Variants in SUSD5 observed in about 807,000 individuals in gnomAD.
The protein encoded by SUSD5 is sushi domain containing 5, also known as sushi domain-containing protein 5.
Under a neutral mutation model 29.5 loss-of-function variants are expected in SUSD5, and 33 were observed. The observed-to-expected ratio is 1.12, with a 90% confidence interval of 0.85 to 1.49. SUSD5 has a LOEUF of 1.49. Ranked by LOEUF, SUSD5 falls within the 40% of genes most tolerant of loss-of-function variation. The probability of loss-of-function intolerance (pLI) is 0.00; values close to 1 mark genes in which losing one functional copy is unlikely to be tolerated. For missense variants in SUSD5, 776 were observed against 800.6 expected (o/e 0.97, Z 0.37); for synonymous variants, 308 against 325.3 (o/e 0.95, Z 0.57).
chr3:33,172,259 C>G (rs2031443716), intron 4 of SUSD5, among the ~76,000 whole-genome samples: 1 of 152,068 alleles, frequency 6.6e-6, no homozygotes, highest in Non-Finnish European at 1.5e-5. Flanking sequence ...AAATGTTAAA[C>G]TCTCAGACAC....
chr3:33,203,912 T>A (rs2032166177), intron 3 of SUSD5, among the ~76,000 whole-genome samples: 1 of 152,140 alleles, frequency 6.6e-6, no homozygotes, highest in Admixed American at 6.6e-5. Flanking sequence ...CCATTTGTTG[T>A]TGCTGTTGTT....
chr3:33,214,237 A>G lies in SUSD5; in HGVS notation c.113-132T>C, dbSNP rs909898384. 60 of 738,400 alleles carry G rather than the reference A, an allele frequency of 8.1e-5. 2 individuals are homozygous for G. In the South Asian group the frequency reaches 1.3e-3, roughly 16 times the overall value. The allele number at this position is 738,400 out of a possible 1,614,324, so 45.7% of individuals were successfully genotyped here. A position where few individuals can be genotyped will look rare whatever the true frequency, so the allele number is the denominator to read the frequency against. Reference sequence around the variant, plus strand: ...AAGGCCCAAGTGCAGCAACTACCACATCCACATCCCTGGGACCAGGTGATG... The same window carrying G: ...AAGGCCCAAGTGCAGCAACTACCACGTCCACATCCCTGGGACCAGGTGATG... On this transcript the variant is annotated intron_variant, in intron 1 of 4. Coordinates refer to ENST00000309558, the MANE Select transcript of SUSD5 (RefSeq NM_015551.2).
chr3:33,218,534 T>A (rs1056673701), intron 1 of SUSD5, among the ~76,000 whole-genome samples, 152 bp downstream of exon 1: 1 of 152,160 alleles, frequency 6.6e-6, no homozygotes. Context: ...AGGAGAGGGA[T>A]GCTGGGTCGC....
At chr3:33,179,818 GC>G (rs2031632493) in intron 3 of SUSD5, among the ~76,000 whole-genome samples, 1 of 152,086 alleles carries the variant, frequency 6.6e-6, no homozygotes, top group African/African-American at 2.4e-5. Context: ...ACAGTCATGT[GC>G]CACATAACAA....
intron 4 of SUSD5, among the ~76,000 whole-genome samples, chr3:33,172,654 C>G (rs4470454): frequency 0.74 from 113,075 of 152,164 alleles, 42,376 homozygotes; most frequent in South Asian, 0.92. Context: ...AGTTCTAGAA[C>G]ATTGCTCAAA....
intron 3 of SUSD5, among the ~76,000 whole-genome samples, chr3:33,195,827 CAA>C (rs2031985189): frequency 6.6e-6 from 1 of 150,862 alleles, no homozygotes; most frequent in South Asian, 2.1e-4. Context: ...GTAGAGAACA[CAA>C]AAGACTCATG....
At chr3:33,175,127 G>A (rs1329043473) in intron 3 of SUSD5, 53 bp from the exon 4 acceptor site, 3 of 1,586,158 alleles carry the variant, frequency 1.9e-6, no homozygotes, top group Admixed American at 3.4e-5. Context: ...AACTTTTTCA[G>A]CCTATGAGAA....
At chr3:33,174,408 G>A (rs534176975) in intron 4 of SUSD5, among the ~76,000 whole-genome samples, 2 of 152,206 alleles carry the variant, frequency 1.3e-5, no homozygotes, top group African/African-American at 4.8e-5. Context: ...AGTTCTCAGG[G>A]TCCTCACAAA....
At chr3:33,187,986 GT>G (rs2031815270) in intron 3 of SUSD5, among the ~76,000 whole-genome samples, 1 of 151,924 alleles carries the variant, frequency 6.6e-6, no homozygotes, top group African/African-American at 2.4e-5. Context: ...TAGGACCTGG[GT>G]TTCAACCATT....
At chr3:33,176,662 C>T (rs2031557698) in intron 3 of SUSD5, among the ~76,000 whole-genome samples, 1 of 152,194 alleles carries the variant, frequency 6.6e-6, no homozygotes, top group African/African-American at 2.4e-5. Context: ...TCTAAGAAGT[C>T]ATTGCCATAC....
intron 3 of SUSD5, among the ~76,000 whole-genome samples, chr3:33,182,812 A>C (rs2031699396): frequency 1.3e-5 from 2 of 152,026 alleles, no homozygotes; most frequent in Non-Finnish European, 2.9e-5. Context: ...TTTGAGACGG[A>C]GTCTTGCTCT....
chr3:33,156,467 G>A (rs141424033), intron 4 of SUSD5, among the ~76,000 whole-genome samples: 1 of 152,322 alleles, frequency 6.6e-6, no homozygotes, highest in Admixed American at 6.5e-5. Context: ...AGACCAGAAT[G>A]TAAGGACAGC....
chr3:33,154,340 T>A (rs967998857), intron 4 of SUSD5, among the ~76,000 whole-genome samples: 2 of 152,090 alleles, frequency 1.3e-5, no homozygotes, highest in South Asian at 2.1e-4. Flanking sequence ...CTGGCCAACA[T>A]GGCGAATGCC....
chr3:33,174,832 C>A (rs1450728205), intron 4 of SUSD5, 54 bp downstream of exon 4: 1 of 1,595,326 alleles, frequency 6.3e-7, no homozygotes, highest in African/African-American at 1.3e-5. Flanking sequence ...GCAGTGGAGC[C>A]CTCAGCCAGC....
In SUSD5 at chr3:33,189,969, A is replaced by G. The variant is rs562023173; in HGVS notation, c.410-14895T>C. ...ACCATCTTTGCGAAAAGTTGACCCT[A>G]CTAGTGAAGTCCAGTCATATCTTTA... On this transcript the variant is annotated intron_variant, in intron 3 of 4. Coordinates refer to ENST00000309558, the MANE Select transcript of SUSD5 (RefSeq NM_015551.2). 6.6e-5 allele frequency among the ~76,000 whole-genome samples: 10 copies of G among 152,298 alleles called. No homozygotes were observed. The South Asian group carries it at 2.1e-3, about 32-fold the overall frequency.
intron 4 of SUSD5, among the ~76,000 whole-genome samples, chr3:33,173,990 A>C (rs1236919569): frequency 6.6e-6 from 1 of 152,190 alleles, no homozygotes; most frequent in Non-Finnish European, 1.5e-5. Flanking sequence ...GCAGGGGTTA[A>C]GGAGGCTGCA....
chr3:33,212,813 C>G (rs776560651), intron 2 of SUSD5, among the ~76,000 whole-genome samples: 1 of 152,198 alleles, frequency 6.6e-6, no homozygotes, highest in Non-Finnish European at 1.5e-5. Context: ...ATTTTTCCAA[C>G]CTAACTTCAG....
intron 3 of SUSD5, among the ~76,000 whole-genome samples, chr3:33,193,506 G>A (rs1324120414): frequency 6.6e-6 from 1 of 152,144 alleles, no homozygotes; most frequent in Non-Finnish European, 1.5e-5. Context: ...TTTGGGACTT[G>A]TGGATTTTGA....
At position 33,151,608 on chromosome 3, in the gene SUSD5, A is replaced by G. The variant is rs1325318069; in HGVS notation, c.*1134T>C. The G allele has an allele frequency of 1.3e-5, 2 of 151,878 alleles. No homozygotes were observed. The highest frequency in any genetic ancestry group is 3.9e-4 in the East Asian group (2 of 5,180). The allele number at this position is 151,878 out of a possible 1,614,324, so 9.4% of individuals were successfully genotyped here. A position where few individuals can be genotyped will look rare whatever the true frequency, so the allele number is the denominator to read the frequency against. On this transcript the variant is annotated 3_prime_UTR_variant, in exon 5 of 5. Transcript: ENST00000309558. ...GAGTTCAGAGAAATGGTTAATCCTGAGAGAGGAAACCAAGGACTGAGTTTT... is the reference window on the plus strand; with the variant it reads ...GAGTTCAGAGAAATGGTTAATCCTGGGAGAGGAAACCAAGGACTGAGTTTT...
Sources: gnomAD v4.1 joint callset for allele counts (sites outside exome capture counted in the v4.1 genomes callset) on GRCh38, gnomAD v4.1.1 for gene constraint, MANE v1.5 for transcripts, NCBI Gene and HGNC (gene_info 2026-07-23, HGNC 2026-07-21) for gene names.